Variants in CLTCL1 observed in about 807,000 individuals in gnomAD.
CLTCL1 encodes clathrin heavy chain like 1.
CLTCL1 carries 159 observed loss-of-function variants against 190.0 expected under a neutral mutation model. The observed-to-expected ratio is 0.84, with a 90% CI of 0.74 to 0.95. CLTCL1 has a LOEUF of 0.95. Among genes scored for constraint, CLTCL1 ranks in the 40% least tolerant of loss-of-function variants. The pLI is 0.00. For synonymous variants in CLTCL1, 752 were observed against 769.6 expected (o/e 0.98, Z 0.38); for missense variants, 1,878 against 2,033.4 (o/e 0.92, Z 1.47).
chr22:19,286,638 C>G (rs2087917857), intron 1 of CLTCL1, among the ~76,000 whole-genome samples: 1 of 143,748 alleles, frequency 7.0e-6, no homozygotes, highest in Non-Finnish European at 1.5e-5. Flanking sequence ...TGGATGGGAA[C>G]TGTTTTCAGT....
At chr22:19,229,583 T>C (rs568569703) in intron 11 of CLTCL1, among the ~76,000 whole-genome samples, 6 of 152,228 alleles carry the variant, frequency 3.9e-5, no homozygotes, top group Non-Finnish European at 7.3e-5. Flanking sequence ...AATTTGGTTA[T>C]GTATATTTTA....
chr22:19,288,011 G>A (rs1320982832), intron 1 of CLTCL1, among the ~76,000 whole-genome samples: 2 of 152,142 alleles, frequency 1.3e-5, no homozygotes, highest in Non-Finnish European at 2.9e-5. Context: ...CAATTCATAA[G>A]TTTTAAATTG....
In CLTCL1 at chr22:19,196,778, T is replaced by G. The variant is rs371444923; in HGVS notation, c.3874-122A>C. ...CTGGGAATGATCCCGAGGAGGCATG[T>G]GTGAAGAAAACGTGTATACATACTG... On this transcript the variant is annotated intron_variant, in intron 24 of 32. Transcript: ENST00000427926. The G allele has an allele frequency of 1.5e-4, 169 of 1,151,800 alleles. 1 individual carries two copies. The African/African-American group carries it at 2.2e-3, about 15-fold the overall frequency. The allele number at this position is 1,151,800 out of a possible 1,614,324, so 71.3% of individuals were successfully genotyped here.
chr22:19,197,244 G>C (rs372355551), intron 24 of CLTCL1, among the ~76,000 whole-genome samples: 1 of 152,046 alleles, frequency 6.6e-6, no homozygotes, highest in Non-Finnish European at 1.5e-5. Flanking sequence ...GGGAGGGTCC[G>C]ACCTAGAGGA....
rs530789468 is a variant in CLTCL1 at position 19,206,868 on chromosome 22, T to G, written c.3600+1286A>C. ...ATCACATTTTCCAAGGGTAACATCT[T>G]ATCTACATGGCGGACTCCACAATTA... On this transcript the variant is annotated intron_variant, in intron 22 of 32. Transcript: ENST00000427926. Among the ~76,000 whole-genome samples the G allele has an allele frequency of 2.0e-5, 3 of 152,356 alleles. No homozygotes were observed. The South Asian group carries it at 6.2e-4, about 32-fold the overall frequency.
chr22:19,217,433 G>A (rs915715295), intron 18 of CLTCL1, among the ~76,000 whole-genome samples: 3 of 151,876 alleles, frequency 2.0e-5, no homozygotes, highest in South Asian at 2.1e-4. Flanking sequence ...TGGCTAACAC[G>A]GTGAAACCCC....
chr22:19,204,018 T>C (rs1409333168), intron 22 of CLTCL1, among the ~76,000 whole-genome samples: 3 of 152,206 alleles, frequency 2.0e-5, no homozygotes, highest in African/African-American at 4.8e-5. Flanking sequence ...TTGCCCACTT[T>C]ATCTGCTGTC....
At chr22:19,192,421 A>G (rs1555932932) in intron 26 of CLTCL1, among the ~76,000 whole-genome samples, 1 of 152,180 alleles carries the variant, frequency 6.6e-6, no homozygotes, top group East Asian at 1.9e-4. Context: ...GGGCCTGGAC[A>G]CAGCTCTGTT....
chr22:19,223,612 T>C (rs2085644653), intron 14 of CLTCL1, among the ~76,000 whole-genome samples: 1 of 152,212 alleles, frequency 6.6e-6, no homozygotes, highest in Non-Finnish European at 1.5e-5. Context: ...CAGCTTTGCC[T>C]GCCTAATTGA....
chr22:19,252,833 A>C lies in CLTCL1; in HGVS notation c.519+1126T>G, dbSNP rs181761339. ...ATCAAGGCCATCCTGGCTAACACGG[A>C]GAAACCCCATCTCTACTAAAAATAC... is the stretch of plus-strand genomic sequence containing the variant. On this transcript the variant is annotated intron_variant, in intron 3 of 32. Transcript: ENST00000427926. Among the ~76,000 whole-genome samples, 17 of 152,118 alleles carry C rather than the reference A, an allele frequency of 1.1e-4. No individual in the cohort carries two copies. The East Asian group carries it at 1.6e-3, about 14-fold the overall frequency.
intron 1 of CLTCL1, among the ~76,000 whole-genome samples, chr22:19,284,941 C>T (rs571169359): frequency 3.3e-5 from 5 of 151,404 alleles, no homozygotes; most frequent in Non-Finnish European, 7.4e-5. Flanking sequence ...GTGGACAGAG[C>T]GAGACTCTGT....
At chr22:19,220,442 C>A (rs1296685015) in intron 17 of CLTCL1, among the ~76,000 whole-genome samples, 1 of 152,206 alleles carries the variant, frequency 6.6e-6, no homozygotes, top group Non-Finnish European at 1.5e-5. Context: ...GTTATCAGAA[C>A]AGCCTAGAAC....
intron 26 of CLTCL1, among the ~76,000 whole-genome samples, chr22:19,193,015 G>C (rs577847708): frequency 2.3e-3 from 354 of 152,304 alleles, no homozygotes; most frequent in Non-Finnish European, 3.7e-3. Flanking sequence ...TGAAGAGAAG[G>C]GTAGGGACTC....
At chr22:19,184,808 G>T (rs1780641) in intron 29 of CLTCL1, 19,852 of 334,952 alleles carry the variant, frequency 0.059, 702 homozygotes, top group Middle Eastern at 0.12. Flanking sequence ...CCGCTCCTGC[G>T]GCCTGGAGCC....
At chr22:19,262,631 C>G (rs1444295534) in intron 2 of CLTCL1, among the ~76,000 whole-genome samples, 1 of 137,190 alleles carries the variant, frequency 7.3e-6, no homozygotes, top group African/African-American at 2.7e-5. Context: ...GACTCTGTCT[C>G]AAAAAAAAAA....
chr22:19,210,246 G>C, intron 20 of CLTCL1, 80 bp downstream of exon 20: 10 of 1,388,414 alleles, frequency 7.2e-6, no homozygotes, highest in Non-Finnish European at 1.0e-5. Context: ...GACACCCTTG[G>C]AGAGGACAAG....
chr22:19,216,782 A>G (rs1193481050), intron 18 of CLTCL1, among the ~76,000 whole-genome samples: 1 of 152,258 alleles, frequency 6.6e-6, no homozygotes, highest in Admixed American at 6.5e-5. Context: ...TGTCTCACAT[A>G]CAAAAACACT....
At chr22:19,245,534 A>C (rs1224178760) in intron 3 of CLTCL1, among the ~76,000 whole-genome samples, 1 of 152,150 alleles carries the variant, frequency 6.6e-6, no homozygotes, top group African/African-American at 2.4e-5. Context: ...ACAAAACAAA[A>C]TGAACCATTT....
At position 19,210,457 on chromosome 22, in the gene CLTCL1, C is replaced by T. The variant is rs1555945951; in HGVS notation, c.3118G>A (p.Val1040Ile). The change falls in exon 20 of 33, where the codon GTC becomes ATC. Residue 1040 changes from valine to isoleucine, a missense_variant. Val to Ile is a conservative substitution (Grantham distance 29). Coordinates refer to ENST00000427926, the MANE Select transcript of CLTCL1 (RefSeq NM_007098.4). ...TCCAGGCGGCTGATGTACTCCATGA[C>T]CCGTGTGCGGTCTGCCTTGATGGCA... ...LTAIKADRTR[V>I]MEYISRLDNY... 1.2e-6 allele frequency: 2 copies of T among 1,613,986 alleles called. No homozygotes were observed. The highest frequency in any genetic ancestry group is 8.5e-7 in the Non-Finnish European group (1 of 1,179,882).
Sources: allele counts gnomAD v4.1 joint callset (sites outside exome capture counted in the v4.1 genomes callset), GRCh38; gene constraint gnomAD v4.1.1; transcripts MANE v1.5; gene names NCBI Gene and HGNC (gene_info 2026-07-23, HGNC 2026-07-21).